The following ROR1 variants were observed in gnomAD, a reference collection of about 807,000 sequenced individuals.
The protein encoded by ROR1 is ROR family WNT receptor 1, also known as inactive tyrosine-protein kinase transmembrane receptor ROR1.
ROR1 carries 19 observed loss-of-function variants against 78.8 expected under a neutral mutation model. The observed-to-expected ratio is 0.24, with a 90% confidence interval of 0.17 to 0.35. The LOEUF is 0.35. Ranked by LOEUF, ROR1 falls within the 10% of genes least tolerant of loss-of-function variation. The pLI, the probability that ROR1 is intolerant of heterozygous loss-of-function variation, is 1.00. For synonymous variants in ROR1, 386 were observed against 433.6 expected (o/e 0.89, Z 1.36); for missense variants, 917 against 1,177.8 (o/e 0.78, Z 3.24).
At chr1:64,143,907 CTT>C (rs1467098506) in intron 7 of ROR1, among the ~76,000 whole-genome samples, 5 of 152,084 alleles carry the variant, frequency 3.3e-5, no homozygotes, top group African/African-American at 1.2e-4. Context: ...CATGACCTGA[CTT>C]ATATGTTTGA....
intron 2 of ROR1, among the ~76,000 whole-genome samples, chr1:64,039,572 A>C (rs1471649176): frequency 6.6e-6 from 1 of 152,200 alleles, no homozygotes; most frequent in Non-Finnish European, 1.5e-5. Context: ...AGTTCTTCCT[A>C]GCACAGGGCT....
intron 1 of ROR1, among the ~76,000 whole-genome samples, chr1:63,977,352 C>T (rs900403574): frequency 3.3e-5 from 5 of 152,090 alleles, no homozygotes; most frequent in African/African-American, 7.2e-5. Flanking sequence ...TGTGACCTAT[C>T]ACATGAAGTC....
chr1:64,055,947 G>A lies in ROR1; in HGVS notation c.482+5231G>A, dbSNP rs552268329. Among the ~76,000 whole-genome samples the A allele has an allele frequency of 2.5e-4, 38 of 152,236 alleles. No individual in the cohort carries two copies. In the South Asian group the frequency reaches 5.2e-3, roughly 21 times the overall value. On this transcript the variant is annotated intron_variant, in intron 4 of 8. Coordinates refer to ENST00000371079, the MANE Select transcript of ROR1 (RefSeq NM_005012.4). ...AATCCGACAATATTTGTCCTTTTGTGTTTGCCTTCTTTCACTTAGCATAAG... is the reference window on the plus strand; with the variant it reads ...AATCCGACAATATTTGTCCTTTTGTATTTGCCTTCTTTCACTTAGCATAAG...
intron 1 of ROR1, among the ~76,000 whole-genome samples, chr1:63,881,129 T>A (rs1424011457): frequency 6.6e-6 from 1 of 152,288 alleles, no homozygotes; most frequent in East Asian, 1.9e-4. Flanking sequence ...CTGCTGGCCC[T>A]TATTTGACCT....
chr1:63,881,423 A>T (rs1349620360), intron 1 of ROR1, among the ~76,000 whole-genome samples: 3 of 152,178 alleles, frequency 2.0e-5, no homozygotes, highest in Non-Finnish European at 4.4e-5. Context: ...GTTCCCGGCC[A>T]CTAAGGCCCT....
chr1:64,037,824 T>G (rs834475), intron 2 of ROR1, among the ~76,000 whole-genome samples: 11 of 151,956 alleles, frequency 7.2e-5, no homozygotes, highest in African/African-American at 2.7e-4. Context: ...TCAGCAGATA[T>G]GCATGGTACA....
At chr1:63,901,670 T>A (rs993172556) in intron 1 of ROR1, among the ~76,000 whole-genome samples, 2 of 151,680 alleles carry the variant, frequency 1.3e-5, no homozygotes, top group Non-Finnish European at 2.9e-5. Flanking sequence ...TCTTTATTAA[T>A]TTTTTTTTCT....
At chr1:64,056,397 G>A (rs950928554) in intron 4 of ROR1, among the ~76,000 whole-genome samples, 7 of 151,264 alleles carry the variant, frequency 4.6e-5, no homozygotes, top group Non-Finnish European at 8.8e-5. Context: ...ATAGCCAGCC[G>A]GGCGCAGTGG....
At chr1:63,996,291 A>G (rs1324438582) in intron 1 of ROR1, among the ~76,000 whole-genome samples, 2 of 152,156 alleles carry the variant, frequency 1.3e-5, no homozygotes, top group African/African-American at 4.8e-5. Context: ...GAGAAATTAA[A>G]CTAAAAGGCT....
chr1:63,854,140 A>G (rs17321100), intron 1 of ROR1, among the ~76,000 whole-genome samples: 1,986 of 152,352 alleles, frequency 0.013, 23 homozygotes, highest in Admixed American at 0.019. Flanking sequence ...TTCAATGGAA[A>G]TATCAGATCA....
intron 1 of ROR1, among the ~76,000 whole-genome samples, chr1:63,958,816 A>G (rs900514471): frequency 3.9e-5 from 6 of 152,180 alleles, no homozygotes. Flanking sequence ...CAAATGAAGC[A>G]TGTGTCAGCT....
chr1:64,088,315 G>A (rs570132815), intron 4 of ROR1, among the ~76,000 whole-genome samples: 9 of 152,092 alleles, frequency 5.9e-5, no homozygotes, highest in African/African-American at 1.7e-4. Context: ...GTAACTATTA[G>A]AGTCTTACCA....
At chr1:63,818,745 G>A (rs1333787017) in intron 1 of ROR1, among the ~76,000 whole-genome samples, 3 of 152,162 alleles carry the variant, frequency 2.0e-5, no homozygotes, top group Non-Finnish European at 2.9e-5. Flanking sequence ...GAATACATAA[G>A]GTATAACCTA....
intron 1 of ROR1, among the ~76,000 whole-genome samples, chr1:63,872,518 C>T (rs138195656): frequency 0.012 from 1,879 of 152,054 alleles, 43 homozygotes; most frequent in East Asian, 0.043. Context: ...AAGTAGTGAA[C>T]GTAGCTCCTG....
chr1:63,802,996 A>G (rs1327640306), intron 1 of ROR1, among the ~76,000 whole-genome samples: 3 of 152,194 alleles, frequency 2.0e-5, no homozygotes, highest in Non-Finnish European at 4.4e-5. Context: ...TTCTTGTGAT[A>G]TTTTGCACTC....
At chr1:63,780,188 G>C (rs1039640044) in intron 1 of ROR1, among the ~76,000 whole-genome samples, 8 of 150,422 alleles carry the variant, frequency 5.3e-5, no homozygotes, top group African/African-American at 2.0e-4. Context: ...TTTTTTAAGA[G>C]AGAGAGGGGG....
intron 2 of ROR1, among the ~76,000 whole-genome samples, chr1:64,041,727 C>T (rs11583598): frequency 0.018 from 2,789 of 152,302 alleles, 43 homozygotes; most frequent in Non-Finnish European, 0.028. Flanking sequence ...TAGTCAATAG[C>T]CCAAGCTCAG....
At chr1:63,797,392 G>C (rs1455133048) in intron 1 of ROR1, among the ~76,000 whole-genome samples, 1 of 152,130 alleles carries the variant, frequency 6.6e-6, no homozygotes, top group Non-Finnish European at 1.5e-5. Context: ...CTGGTGCTCT[G>C]GAGTAGCATG....
chr1:64,136,098 C>T (rs1192161209), intron 4 of ROR1, among the ~76,000 whole-genome samples: 1 of 152,140 alleles, frequency 6.6e-6, no homozygotes, highest in African/African-American at 2.4e-5. Context: ...ATTGTAAATA[C>T]TTTAAGAATA....
Sources: allele counts gnomAD v4.1 joint callset (sites outside exome capture counted in the v4.1 genomes callset), GRCh38; gene constraint gnomAD v4.1.1; transcripts MANE v1.5; gene names NCBI Gene and HGNC (gene_info 2026-07-23, HGNC 2026-07-21).